WWOX: variants seen among roughly 807,000 people sequenced by gnomAD.
WWOX encodes WW domain-containing oxidoreductase.
In WWOX, 69 loss-of-function variants were observed where a neutral mutation model predicts 46.2. That is an observed-to-expected ratio of 1.49 (90% CI 1.23 to 1.82). WWOX has a LOEUF of 1.82. WWOX is among the 40% of genes most tolerant of loss of function. The pLI, the probability that WWOX is intolerant of heterozygous loss-of-function variation, is 0.00. For synonymous variants in WWOX, 359 were observed against 202.6 expected (o/e 1.77, Z -6.56); for missense variants, 919 against 542.6 (o/e 1.69, Z -6.89).
chr16:78,859,296 T>C (rs141378442), intron 8 of WWOX, among the ~76,000 whole-genome samples: 1,782 of 151,670 alleles, frequency 0.012, 31 homozygotes, highest in African/African-American at 0.04. Context: ...ATGGAATTGA[T>C]TTTTCCCCCC....
rs1041268716 is a variant in WWOX, at chr16:78,596,412, C to T, written c.1056+163660C>T. On this transcript the variant is annotated intron_variant, in intron 8 of 8. Coordinates refer to ENST00000566780, the MANE Select transcript of WWOX (RefSeq NM_016373.4). ...ATCAGTGAAGAGGTAATCCAGGTCA[C>T]GGTGGGATGACACAGGCTGCTGTGG... 5.3e-5 allele frequency among the ~76,000 whole-genome samples: 8 copies of T among 150,862 alleles called. No individual in the cohort carries two copies. In the East Asian group the frequency reaches 7.7e-4, roughly 15 times the overall value.
intron 8 of WWOX, among the ~76,000 whole-genome samples, chr16:79,013,683 C>A (rs1041565495): frequency 6.6e-6 from 1 of 152,174 alleles, no homozygotes; most frequent in African/African-American, 2.4e-5. Context: ...CACTAATCTA[C>A]CCAAGTTGAC....
At position 78,433,576 on chromosome 16, in the gene WWOX, A is replaced by G. The variant is rs139387412; in HGVS notation, c.1056+824A>G. On this transcript the variant is annotated intron_variant, in intron 8 of 8. Transcript: ENST00000566780. ...ACTTGACAGAAATCACCCTTTTCCC[A>G]AACACATTTGCCTTTTAGCGATATC... Among the ~76,000 whole-genome samples the G allele has an allele frequency of 7.2e-4, 109 of 152,250 alleles. 2 individuals are homozygous for G. In the East Asian group the frequency reaches 0.016, roughly 23 times the overall value.
intron 8 of WWOX, among the ~76,000 whole-genome samples, chr16:78,784,304 A>C (rs2050402585): frequency 6.6e-6 from 1 of 152,184 alleles, no homozygotes; most frequent in Non-Finnish European, 1.5e-5. Flanking sequence ...ACAGCCAGTC[A>C]AGCCCTGACT....
chr16:78,570,522 C>G (rs1447878265), intron 8 of WWOX, among the ~76,000 whole-genome samples: 2 of 152,012 alleles, frequency 1.3e-5, no homozygotes, highest in Non-Finnish European at 1.5e-5. Flanking sequence ...GCTTGTTGCT[C>G]AGGCTGGTCT....
At chr16:79,017,142 G>A (rs9926512) in intron 8 of WWOX, 1 of 152,140 alleles carries the variant, frequency 6.6e-6, no homozygotes. Flanking sequence ...AGAAGTTACA[G>A]GTAGGCTGCC....
At chr16:78,389,844 G>A (rs2082142528) in intron 6 of WWOX, among the ~76,000 whole-genome samples, 1 of 152,144 alleles carries the variant, frequency 6.6e-6, no homozygotes. Flanking sequence ...TCTGGCCTTG[G>A]GTTCAAGCGA....
At chr16:78,902,891 C>G (rs9938373) in intron 8 of WWOX, among the ~76,000 whole-genome samples, 3,621 of 152,320 alleles carry the variant, frequency 0.024, 62 homozygotes, top group African/African-American at 0.042. Flanking sequence ...ACAGCAAGGA[C>G]AGGACACTTC....
At chr16:78,102,291 C>T (rs80280043) in intron 1 of WWOX, among the ~76,000 whole-genome samples, 1 of 152,094 alleles carries the variant, frequency 6.6e-6, no homozygotes, top group African/African-American at 2.4e-5. Flanking sequence ...GAGGAGAGAC[C>T]CCCTGCATGG....
intron 8 of WWOX, among the ~76,000 whole-genome samples, chr16:79,052,146 G>A (rs1049381067): frequency 2.0e-5 from 3 of 151,346 alleles, no homozygotes; most frequent in East Asian, 1.9e-4. Flanking sequence ...CCACTAACTC[G>A]TCATCTAGCA....
chr16:78,106,341 G>A (rs1244843697), intron 1 of WWOX, among the ~76,000 whole-genome samples: 2 of 150,788 alleles, frequency 1.3e-5, no homozygotes, highest in East Asian at 3.9e-4. Flanking sequence ...GCAGGAGTTG[G>A]TATACCAATA....
At chr16:78,873,896 G>C (rs1451539123) in intron 8 of WWOX, among the ~76,000 whole-genome samples, 1 of 152,116 alleles carries the variant, frequency 6.6e-6, no homozygotes, top group Admixed American at 6.5e-5. Context: ...TCACAGGTCA[G>C]GTCCTAGTGT....
chr16:78,161,874 C>A (rs1032613490), intron 4 of WWOX, among the ~76,000 whole-genome samples: 10 of 152,286 alleles, frequency 6.6e-5, no homozygotes, highest in African/African-American at 2.4e-4. Flanking sequence ...CTGGAGAAGA[C>A]AAGAACCTTA....
At chr16:78,223,944 GC>G (rs1325580503) in intron 5 of WWOX, among the ~76,000 whole-genome samples, 3 of 152,194 alleles carry the variant, frequency 2.0e-5, no homozygotes, top group Admixed American at 6.5e-5. Context: ...GTAAGTGACT[GC>G]TGAAGTACAC....
chr16:78,438,457 A>AT (rs1357018470), intron 8 of WWOX, among the ~76,000 whole-genome samples: 1 of 134,496 alleles, frequency 7.4e-6, no homozygotes, highest in African/African-American at 3.2e-5. Flanking sequence ...CGCCAACCCC[A>AT]CCTTTTTTTT....
At chr16:78,133,783 C>A (rs2033691498) in intron 4 of WWOX, among the ~76,000 whole-genome samples, 1 of 152,206 alleles carries the variant, frequency 6.6e-6, no homozygotes, top group Admixed American at 6.5e-5. Flanking sequence ...CTCCAGACTG[C>A]ATGTCATGCG....
At chr16:78,977,059 C>T (rs1476469143) in intron 8 of WWOX, among the ~76,000 whole-genome samples, 1 of 152,180 alleles carries the variant, frequency 6.6e-6, no homozygotes, top group Non-Finnish European at 1.5e-5. Context: ...GAGGCTCACG[C>T]ACACGTCAAC....
intron 8 of WWOX, among the ~76,000 whole-genome samples, chr16:78,464,802 G>T (rs964514644): frequency 2.6e-5 from 4 of 152,090 alleles, no homozygotes; most frequent in African/African-American, 9.7e-5. Context: ...GACCTGGGGG[G>T]AAATGTTAGA....
chr16:78,480,545 G>C (rs2084461183), intron 8 of WWOX, among the ~76,000 whole-genome samples: 2 of 152,226 alleles, frequency 1.3e-5, no homozygotes, highest in South Asian at 4.1e-4. Context: ...TAAGAAAAGA[G>C]GTGGCAGAGT....
Sources: allele counts gnomAD v4.1 joint callset (sites outside exome capture counted in the v4.1 genomes callset), GRCh38; gene constraint gnomAD v4.1.1; transcripts MANE v1.5; gene names NCBI Gene and HGNC (gene_info 2026-07-23, HGNC 2026-07-21).